The following HUNK variants were observed in gnomAD, a reference collection of about 807,000 sequenced individuals.
The protein encoded by HUNK is hormonally up-regulated neu tumor-associated kinase.
HUNK carries 21 observed loss-of-function variants against 61.0 expected under a neutral mutation model. The ratio of observed to expected loss-of-function variants is 0.34; its 90% CI spans 0.24 to 0.50. The LOEUF is 0.50. Among genes scored for constraint, HUNK ranks in the 20% least tolerant of loss-of-function variants. HUNK has a pLI of 0.98. For synonymous variants in HUNK, 371 were observed against 386.1 expected, an observed-to-expected ratio of 0.96 and a Z score of 0.46; for missense variants, 772 against 945.7, an observed-to-expected ratio of 0.82 and a Z score of 2.41.
intron 4 of HUNK, among the ~76,000 whole-genome samples, chr21:31,956,735 T>C (rs1338608175): frequency 6.6e-6 from 1 of 152,202 alleles, no homozygotes; most frequent in Non-Finnish European, 1.5e-5. Context: ...CCGATTCCGA[T>C]TTTAACAGCA....
chr21:31,885,882 G>A (rs943142703), intron 1 of HUNK, among the ~76,000 whole-genome samples: 4 of 152,074 alleles, frequency 2.6e-5, no homozygotes, highest in South Asian at 4.2e-4. Context: ...TGACAGGCAC[G>A]CGCCACCATA....
At chr21:31,935,904 C>T (rs749802364) in intron 2 of HUNK, among the ~76,000 whole-genome samples, 4 of 152,096 alleles carry the variant, frequency 2.6e-5, no homozygotes, top group African/African-American at 4.8e-5. Context: ...CTGCAACCTC[C>T]GCCTCCCGGG....
chr21:31,878,470 C>A (rs1324152332), intron 1 of HUNK, among the ~76,000 whole-genome samples: 1 of 151,914 alleles, frequency 6.6e-6, no homozygotes, highest in East Asian at 1.9e-4. Flanking sequence ...CGCGGTGGCT[C>A]ATGCCTGTAA....
rs778378004 is a variant in HUNK at position 31,968,457 on chromosome 21, A to G, written c.1010+72A>G. 73 of 1,566,426 alleles carry G rather than the reference A, an allele frequency of 4.7e-5. 1 individual carries two copies. In the Middle Eastern group the frequency reaches 1.2e-3, roughly 26 times the overall value. On this transcript the variant is annotated intron_variant, in intron 6 of 10. Coordinates refer to ENST00000270112, the MANE Select transcript of HUNK (RefSeq NM_014586.2). Reference sequence around the variant, plus strand: ...TCCTACTAGCCCTGAGCAGTTCCGGACAGAAAGCTGTCCGTGATTGAAGGA... The same window carrying G: ...TCCTACTAGCCCTGAGCAGTTCCGGGCAGAAAGCTGTCCGTGATTGAAGGA...
intron 1 of HUNK, among the ~76,000 whole-genome samples, chr21:31,923,402 G>T (rs568078211): frequency 6.6e-6 from 1 of 151,642 alleles, no homozygotes; most frequent in South Asian, 2.1e-4. Context: ...ATTGCACCAT[G>T]TACTCCAGCC....
rs563378787 is a variant in HUNK at position 31,969,645 on chromosome 21, C to T, written c.1010+1260C>T. The stretch of plus-strand genomic sequence containing the variant: ...GTAGTGGCATGGTCATGGCTCGCTA[C>T]AGCCTCCACCTCCTGAGCTCAAGGG... On this transcript the variant is annotated intron_variant, in intron 6 of 10. Transcript: ENST00000270112. Among the ~76,000 whole-genome samples the T allele has an allele frequency of 2.0e-5, 3 of 151,766 alleles. No homozygotes were observed. In the East Asian group the frequency reaches 5.8e-4, roughly 29 times the overall value.
rs568310795 is a variant in HUNK, at chr21:31,944,536, G to T, written c.611-1500G>T. 2.0e-5 allele frequency among the ~76,000 whole-genome samples: 3 copies of T among 151,090 alleles called. No homozygotes were observed. The East Asian group carries it at 6.0e-4, about 30-fold the overall frequency. On this transcript the variant is annotated intron_variant, in intron 3 of 10. Coordinates refer to ENST00000270112, the MANE Select transcript of HUNK (RefSeq NM_014586.2). Reference sequence around the variant, plus strand: ...AGTCCCACACCCATGACTCCTGAAGGACTTATCTGGGACAGGGTTTGTGGG... The same window carrying T: ...AGTCCCACACCCATGACTCCTGAAGTACTTATCTGGGACAGGGTTTGTGGG...
chr21:31,900,165 G>A (rs868432319), intron 1 of HUNK, among the ~76,000 whole-genome samples: 2 of 151,958 alleles, frequency 1.3e-5, no homozygotes, highest in South Asian at 2.1e-4. Context: ...CCTGTTCCTC[G>A]CAGCATAATC....
intron 1 of HUNK, among the ~76,000 whole-genome samples, chr21:31,896,066 C>T (rs952272011): frequency 0.028 from 3 of 108 alleles, no homozygotes; most frequent in East Asian, 0.12. Context: ...AGAGACTGCA[C>T]GAAGGCCACA....
At chr21:31,883,019 A>ATTTTTTTT (rs112383556) in intron 1 of HUNK, among the ~76,000 whole-genome samples, 1 of 146,028 alleles carries the variant, frequency 6.8e-6, no homozygotes. Flanking sequence ...GGAGTACATA[A>ATTTTTTTT]TTTTTTTTTT....
intron 6 of HUNK, among the ~76,000 whole-genome samples, chr21:31,969,329 G>A (rs983602506): frequency 6.6e-6 from 1 of 152,072 alleles, no homozygotes; most frequent in African/African-American, 2.4e-5. Flanking sequence ...TCAGCCCTAA[G>A]ACCCCTGCCT....
chr21:31,988,910 A>G (rs574627607), intron 8 of HUNK, among the ~76,000 whole-genome samples: 123 of 150,054 alleles, frequency 8.2e-4, no homozygotes, highest in Non-Finnish European at 1.2e-3. Context: ...ATTTCATTTC[A>G]GCCTTGACCT....
At chr21:31,968,588 G>A (rs2052984798) in intron 6 of HUNK, among the ~76,000 whole-genome samples, 1 of 152,198 alleles carries the variant, frequency 6.6e-6, no homozygotes, top group African/African-American at 2.4e-5. Context: ...TATGCCGTGT[G>A]CCCTGCAGGG....
chr21:31,906,121 G>C (rs2052503612), intron 1 of HUNK, among the ~76,000 whole-genome samples: 1 of 152,016 alleles, frequency 6.6e-6, no homozygotes, highest in African/African-American at 2.4e-5. Context: ...TAATTCCACT[G>C]TGTTGTTATT....
At chr21:31,928,509 C>T (rs567991088) in intron 2 of HUNK, among the ~76,000 whole-genome samples, 96 of 152,312 alleles carry the variant, frequency 6.3e-4, no homozygotes, top group Non-Finnish European at 8.7e-4. Context: ...ACTTTTGCCT[C>T]TCTCTCCTCA....
intron 1 of HUNK, among the ~76,000 whole-genome samples, chr21:31,881,250 A>G (rs1211909584): frequency 1.3e-5 from 2 of 152,200 alleles, no homozygotes; most frequent in Non-Finnish European, 2.9e-5. Flanking sequence ...CAACGTGGGC[A>G]TCTTTTCCAT....
intron 2 of HUNK, among the ~76,000 whole-genome samples, chr21:31,934,774 T>TC (rs2052721568): frequency 6.6e-6 from 1 of 152,174 alleles, no homozygotes; most frequent in East Asian, 1.9e-4. Context: ...ATTTTTTTTT[T>TC]CTTTGTTAAT....
At chr21:31,983,029 C>G (rs1461809027) in intron 7 of HUNK, among the ~76,000 whole-genome samples, 2 of 152,220 alleles carry the variant, frequency 1.3e-5, no homozygotes, top group Non-Finnish European at 2.9e-5. Flanking sequence ...TCTCGAACTC[C>G]TGACCTCAGG....
chr21:31,962,275 C>A (rs2052934370), intron 5 of HUNK, among the ~76,000 whole-genome samples: 1 of 152,160 alleles, frequency 6.6e-6, no homozygotes, highest in Admixed American at 6.5e-5. Context: ...TAGCATGAGC[C>A]CCACACAGCT....
Sources: allele counts gnomAD v4.1 joint callset (sites outside exome capture counted in the v4.1 genomes callset), GRCh38; gene constraint gnomAD v4.1.1; transcripts MANE v1.5; gene names NCBI Gene and HGNC (gene_info 2026-07-23, HGNC 2026-07-21).